The following ATP8A2 variants were observed in gnomAD, a reference collection of about 807,000 sequenced individuals.
ATP8A2 encodes the protein ATPase phospholipid transporting 8A2.
In ATP8A2, 100 loss-of-function variants were observed where a neutral mutation model predicts 165.6. The observed-to-expected ratio is 0.60, with a 90% confidence interval of 0.51 to 0.71. ATP8A2 has a LOEUF of 0.71. Ranked by LOEUF, ATP8A2 falls within the 30% of genes least tolerant of loss-of-function variation. The pLI is 0.00. For synonymous variants in ATP8A2, 543 were observed against 548.8 expected (o/e 0.99, Z 0.15); for missense variants, 1,227 against 1,479.5 (o/e 0.83, Z 2.80).
intron 2 of ATP8A2, among the ~76,000 whole-genome samples, chr13:25,520,020 C>A (rs996081633): frequency 3.3e-5 from 5 of 152,128 alleles, no homozygotes; most frequent in Non-Finnish European, 7.4e-5. Context: ...ATTGGGATAT[C>A]CAATGCCTTA....
intron 15 of ATP8A2, among the ~76,000 whole-genome samples, chr13:25,560,929 C>T (rs1189199518): frequency 1.4e-4 from 21 of 151,280 alleles, no homozygotes; most frequent in Admixed American, 1.3e-3. Flanking sequence ...CTCTGTTGCC[C>T]AGGCTGGAGT....
chr13:25,540,396 CACCTCT>C lies in ATP8A2; in HGVS notation c.651+9_651+14del. 1 of 1,600,234 alleles carries C rather than the reference CACCTCT, an allele frequency of 6.2e-7. No homozygotes were observed. Among genetic ancestry groups the C allele is most frequent in the East Asian group, 2.2e-5 (1 of 44,794 alleles). On this transcript the variant is annotated intron_variant, in intron 8 of 36. Transcript: ENST00000381655. ...AACCTTAAAATACGTCAGGTAAAGT[CACCTCT>C]GATGACTTGTGTTGTTATGGTAGAC...
At chr13:25,818,920 G>A (rs1951092532) in intron 27 of ATP8A2, among the ~76,000 whole-genome samples, 1 of 152,218 alleles carries the variant, frequency 6.6e-6, no homozygotes, top group South Asian at 2.1e-4. Flanking sequence ...AGAAAAATGA[G>A]TGCGGTGTGG....
chr13:25,395,985 AG>A (rs1486314340), intron 1 of ATP8A2, among the ~76,000 whole-genome samples: 1 of 94,470 alleles, frequency 1.1e-5, no homozygotes, highest in Non-Finnish European at 2.4e-5. Flanking sequence ...CTGGGACTAC[AG>A]GTGTGCATCA....
At chr13:25,831,815 C>G (rs1951480904) in intron 28 of ATP8A2, among the ~76,000 whole-genome samples, 4 of 151,956 alleles carry the variant, frequency 2.6e-5, no homozygotes, top group Admixed American at 1.3e-4. Flanking sequence ...TGCACTCTAG[C>G]CTGGGCAACA....
At chr13:25,854,093 C>T (rs1358128471) in intron 30 of ATP8A2, among the ~76,000 whole-genome samples, 1 of 152,148 alleles carries the variant, frequency 6.6e-6, no homozygotes, top group East Asian at 1.9e-4. Flanking sequence ...CCCTTCTCTC[C>T]ACCTCATGTT....
intron 16 of ATP8A2, among the ~76,000 whole-genome samples, chr13:25,567,893 C>G (rs1441558254): frequency 6.6e-6 from 1 of 152,110 alleles, no homozygotes; most frequent in East Asian, 1.9e-4. Flanking sequence ...AACACAGGGC[C>G]TATTAGATTA....
At chr13:25,459,493 C>T (rs1230636055) in intron 1 of ATP8A2, among the ~76,000 whole-genome samples, 2 of 152,188 alleles carry the variant, frequency 1.3e-5, no homozygotes, top group African/African-American at 4.8e-5. Context: ...CCCTGCCCTC[C>T]TGGAGCTCCT....
rs10675043 is a variant in ATP8A2 at position 25,646,671 on chromosome 13, A to AAAAAAAAC, written c.2212-52502_2212-52501insAAAAAAAC. On this transcript the variant is annotated intron_variant, in intron 24 of 36. Transcript: ENST00000381655. ...CTCCATCTCAAAAAAAAAAAAAAAA[A>AAAAAAAAC]CACACAAAAGAATCATTTAGTCACT... Among the ~76,000 whole-genome samples the AAAAAAAAC allele has an allele frequency of 4.1e-4, 51 of 124,006 alleles. 8 individuals carry two copies. Among genetic ancestry groups the AAAAAAAAC allele is most frequent in the South Asian group, 8.1e-4 (3 of 3,718 alleles). 81.4% of individuals were successfully genotyped at this position (124,006 alleles called of 152,430 possible).
chr13:25,582,608 A>G (rs1049024555), intron 23 of ATP8A2, among the ~76,000 whole-genome samples: 4 of 152,250 alleles, frequency 2.6e-5, no homozygotes, highest in Non-Finnish European at 5.9e-5. Context: ...ATGTGGTAAA[A>G]TGAACACTGC....
chr13:25,946,210 T>G (rs546531249), intron 33 of ATP8A2, among the ~76,000 whole-genome samples: 1 of 152,292 alleles, frequency 6.6e-6, no homozygotes, highest in Non-Finnish European at 1.5e-5. Flanking sequence ...ACTCCACTGC[T>G]GAGACCATCC....
At chr13:25,876,865 C>T (rs1689045116) in intron 33 of ATP8A2, among the ~76,000 whole-genome samples, 1 of 151,978 alleles carries the variant, frequency 6.6e-6, no homozygotes, top group Admixed American at 6.6e-5. Flanking sequence ...TAATAGTTTT[C>T]TATAATATAA....
intron 1 of ATP8A2, among the ~76,000 whole-genome samples, chr13:25,409,597 G>A (rs1275876086): frequency 6.6e-6 from 1 of 152,148 alleles, no homozygotes. Context: ...GTCAAGTGTG[G>A]TACCTCCCCA....
At chr13:25,538,280 A>T (rs922285617) in intron 7 of ATP8A2, among the ~76,000 whole-genome samples, 2 of 151,000 alleles carry the variant, frequency 1.3e-5, no homozygotes, top group Admixed American at 1.3e-4. Flanking sequence ...ATGTGTGTTG[A>T]CTCCACTTAG....
chr13:25,751,448 T>G (rs2044151280), intron 25 of ATP8A2, among the ~76,000 whole-genome samples: 1 of 151,942 alleles, frequency 6.6e-6, no homozygotes, highest in African/African-American at 2.4e-5. Context: ...TATTTTATTT[T>G]ATGATTTTTT....
At chr13:25,540,560 A>G (rs1199246190) in intron 8 of ATP8A2, among the ~76,000 whole-genome samples, 172 bp downstream of exon 8, 1 of 152,190 alleles carries the variant, frequency 6.6e-6, no homozygotes, top group Non-Finnish European at 1.5e-5. Flanking sequence ...ATGTGTCTCG[A>G]AAAAGTAGGC....
chr13:25,422,793 T>C (rs1345603808), intron 1 of ATP8A2, among the ~76,000 whole-genome samples: 1 of 152,220 alleles, frequency 6.6e-6, no homozygotes, highest in Non-Finnish European at 1.5e-5. Context: ...TTTGAAATAG[T>C]TATCCTTGGC....
At chr13:25,428,660 G>C (rs1158327274) in intron 1 of ATP8A2, among the ~76,000 whole-genome samples, 2 of 152,136 alleles carry the variant, frequency 1.3e-5, no homozygotes, top group Non-Finnish European at 2.9e-5. Flanking sequence ...TGTGTTTGTT[G>C]GGGCAATGCT....
At chr13:25,381,508 C>T (rs1454900147) in intron 1 of ATP8A2, among the ~76,000 whole-genome samples, 1 of 152,114 alleles carries the variant, frequency 6.6e-6, no homozygotes, top group Non-Finnish European at 1.5e-5. Flanking sequence ...TGCTGCTGGA[C>T]TTTTAAAATT....
Sources: allele counts gnomAD v4.1 joint callset (sites outside exome capture counted in the v4.1 genomes callset), GRCh38; gene constraint gnomAD v4.1.1; transcripts MANE v1.5; gene names NCBI Gene and HGNC (gene_info 2026-07-23, HGNC 2026-07-21).